Variants in LRRC7 observed in about 807,000 individuals in gnomAD.
LRRC7 encodes the protein leucine-rich repeat-containing protein 7.
In LRRC7, 23 loss-of-function variants were observed where a neutral mutation model predicts 175.7. That is an observed-to-expected ratio of 0.13 (90% CI 0.09 to 0.19). LRRC7 has a LOEUF of 0.19. LRRC7 is among the 10% of genes least tolerant of loss of function. The pLI is 1.00. For synonymous variants in LRRC7, 685 were observed against 680.9 expected, an observed-to-expected ratio of 1.01 and a Z score of -0.09; for missense variants, 1,354 against 1,904.7, an observed-to-expected ratio of 0.71 and a Z score of 5.38.
chr1:70,043,811 G>C (rs2102041444), intron 21 of LRRC7, 143 bp from the exon 22 acceptor site: 1 of 872,082 alleles, frequency 1.1e-6, no homozygotes, highest in Middle Eastern at 2.7e-4. Context: ...GTATGCTTCT[G>C]TCTGATCAAG....
At chr1:69,702,259 GC>G (rs1258631702) in intron 2 of LRRC7, among the ~76,000 whole-genome samples, 2 of 152,136 alleles carry the variant, frequency 1.3e-5, no homozygotes, top group African/African-American at 4.8e-5. Flanking sequence ...CATGTCACAT[GC>G]CTATCAGTTT....
chr1:70,069,408 A>G (rs1463239782), intron 23 of LRRC7, among the ~76,000 whole-genome samples: 2 of 152,026 alleles, frequency 1.3e-5, no homozygotes, highest in African/African-American at 2.4e-5. Flanking sequence ...TGATCCAATT[A>G]CCTCCACCTG....
intron 2 of LRRC7, among the ~76,000 whole-genome samples, chr1:69,733,388 G>C (rs1667785714): frequency 1.3e-5 from 2 of 152,006 alleles, no homozygotes; most frequent in African/African-American, 2.4e-5. Context: ...GGACAGAGAA[G>C]AGAGTGTAAA....
intron 2 of LRRC7, among the ~76,000 whole-genome samples, chr1:69,708,110 T>C (rs550733083): frequency 6.2e-4 from 94 of 152,266 alleles, no homozygotes; most frequent in African/African-American, 2.2e-3. Flanking sequence ...CAAGTGGAAA[T>C]GTAGAAGGGC....
intron 4 of LRRC7, among the ~76,000 whole-genome samples, chr1:69,810,854 T>C (rs113594966): frequency 3.4e-3 from 520 of 152,270 alleles, no homozygotes; most frequent in Non-Finnish European, 6.1e-3. Context: ...ATTCAGGATA[T>C]AGGCATGGGC....
intron 8 of LRRC7, among the ~76,000 whole-genome samples, chr1:69,950,111 T>A (rs1281015299): frequency 6.6e-6 from 1 of 152,120 alleles, no homozygotes; most frequent in Non-Finnish European, 1.5e-5. Flanking sequence ...ATGTAGCTAT[T>A]CTCAACAATT....
intron 24 of LRRC7, among the ~76,000 whole-genome samples, chr1:70,089,007 G>C (rs61190358): frequency 6.6e-6 from 1 of 151,958 alleles, no homozygotes; most frequent in African/African-American, 2.4e-5. Context: ...CTTGTGTTGC[G>C]TATTGGCCAT....
At chr1:69,713,150 AC>A (rs1392459476) in intron 2 of LRRC7, among the ~76,000 whole-genome samples, 4 of 152,148 alleles carry the variant, frequency 2.6e-5, no homozygotes, top group Non-Finnish European at 4.4e-5. Flanking sequence ...AATAATAATA[AC>A]AAATACCCTT....
intron 1 of LRRC7, among the ~76,000 whole-genome samples, chr1:69,604,066 T>C (rs1469087421): frequency 6.6e-6 from 1 of 152,136 alleles, no homozygotes; most frequent in African/African-American, 2.4e-5. Context: ...CTCTTGAATA[T>C]TTTAAGATTT....
At chr1:70,007,236 C>T (rs930076103) in intron 11 of LRRC7, among the ~76,000 whole-genome samples, 2 of 152,140 alleles carry the variant, frequency 1.3e-5, no homozygotes, top group African/African-American at 4.8e-5. Context: ...TCATTAGCAT[C>T]CAGAAAGACG....
At chr1:70,047,232 A>G (rs1038758239) in intron 22 of LRRC7, among the ~76,000 whole-genome samples, 1 of 152,186 alleles carries the variant, frequency 6.6e-6, no homozygotes, top group Non-Finnish European at 1.5e-5. Context: ...TCATAAAATT[A>G]TTGAATGATA....
chr1:69,845,111 A>G (rs920525227), intron 7 of LRRC7, among the ~76,000 whole-genome samples: 2 of 151,848 alleles, frequency 1.3e-5, no homozygotes. Context: ...AGTAGCTAGG[A>G]TTGGTGGTGT....
chr1:69,962,897 G>C (rs1436638903), intron 8 of LRRC7, among the ~76,000 whole-genome samples: 1 of 152,018 alleles, frequency 6.6e-6, no homozygotes, highest in Non-Finnish European at 1.5e-5. Flanking sequence ...CTTAGGTAAT[G>C]AAATAATCTG....
rs548690341 is a variant in LRRC7, at chr1:69,932,521, A to G, written c.711+951A>G. 6.9e-4 allele frequency among the ~76,000 whole-genome samples: 105 copies of G among 152,302 alleles called. 1 individual carries two copies. The highest frequency in any genetic ancestry group is 2.2e-3 in the African/African-American group (93 of 41,584). On this transcript the variant is annotated intron_variant, in intron 8 of 26. Coordinates refer to ENST00000651989, the MANE Select transcript of LRRC7 (RefSeq NM_001370785.2). ...GCAAGGGTGAAAGGGTTTAACTCAC[A>G]CTGTATTTTGAATGCACAAAGAAAA...
intron 1 of LRRC7, among the ~76,000 whole-genome samples, chr1:69,581,625 A>G (rs1168577003): frequency 6.6e-6 from 1 of 152,184 alleles, no homozygotes; most frequent in Non-Finnish European, 1.5e-5. Flanking sequence ...ACTTGTAAAC[A>G]CTTATTCCTA....
intron 2 of LRRC7, among the ~76,000 whole-genome samples, chr1:69,732,040 GA>G (rs1667631724): frequency 6.6e-6 from 1 of 151,744 alleles, no homozygotes; most frequent in Non-Finnish European, 1.5e-5. Context: ...TATACCAATG[GA>G]ACGATTATTT....
In LRRC7 at chr1:70,012,998, G is replaced by A; in HGVS notation, c.1159G>A (p.Val387Ile). The A allele has an allele frequency of 6.4e-7, 1 of 1,571,404 alleles. No homozygotes were observed. Among genetic ancestry groups the A allele is most frequent in the Non-Finnish European group, 8.6e-7 (1 of 1,158,330 alleles). ...GATTGGAAGTTGTAAGAATGTAACA[G>A]TCATGTCTCTACGCTCCAACAAATT... ...REIGSCKNVT[V>I]MSLRSNKLEF... Residue 387 changes from valine to isoleucine, a missense_variant, in exon 13 of 27, where the codon GTC becomes ATC. Physicochemically the swap from Val to Ile is conservative, Grantham distance 29. Around this residue, in one of 4 missense-constraint regions of LRRC7, gnomAD observed 201 missense variants for 481.4 expected, o/e 0.42. Transcript: ENST00000651989.
intron 4 of LRRC7, among the ~76,000 whole-genome samples, chr1:69,810,526 T>C (rs917340121): frequency 2.6e-5 from 4 of 152,048 alleles, no homozygotes; most frequent in Non-Finnish European, 5.9e-5. Flanking sequence ...CAAACTATAC[T>C]ACAAGGCCAC....
Position 70,016,536 on chromosome 1 carries a change from TA to T in LRRC7, c.1320+6del. Reference sequence around the variant, plus strand: ...GCTTTGTGGCTTTCTGACAATCAGGTAAAAGGTTTTATTGCCTGATTTATTT... The same window carrying T: ...GCTTTGTGGCTTTCTGACAATCAGGTAAAGGTTTTATTGCCTGATTTATTT... On this transcript the variant is annotated splice_donor_region_variant and intron_variant, in intron 14 of 26. Coordinates refer to ENST00000651989, the MANE Select transcript of LRRC7 (RefSeq NM_001370785.2). The T allele has an allele frequency of 6.4e-7, 1 of 1,558,968 alleles. No individual in the cohort carries two copies. The highest frequency in any genetic ancestry group is 1.2e-5 in the South Asian group (1 of 81,456).
Sources: allele counts gnomAD v4.1 joint callset (sites outside exome capture counted in the v4.1 genomes callset), GRCh38; gene constraint gnomAD v4.1.1; regional missense constraint gnomAD v4.1.1; transcripts MANE v1.5; gene names NCBI Gene and HGNC (gene_info 2026-07-23, HGNC 2026-07-21).